The following SRGAP3 variants were observed in gnomAD, a reference collection of about 807,000 sequenced individuals.
SRGAP3 encodes SLIT-ROBO Rho GTPase activating protein 3.
SRGAP3 carries 39 observed loss-of-function variants against 121.1 expected under a neutral mutation model. The ratio of observed to expected loss-of-function variants is 0.32; its 90% CI spans 0.25 to 0.42. The LOEUF (loss-of-function observed/expected upper bound fraction) is 0.42. Among genes scored for constraint, SRGAP3 ranks in the 10% least tolerant of loss-of-function variants. The pLI is 1.00. For missense variants in SRGAP3, 1,213 were observed against 1,470.6 expected (o/e 0.82, Z 2.86); for synonymous variants, 601 against 570.0 (o/e 1.05, Z -0.77).
intron 1 of SRGAP3, among the ~76,000 whole-genome samples, chr3:9,243,328 G>A (rs1347940991): frequency 2.0e-5 from 3 of 152,026 alleles, no homozygotes; most frequent in African/African-American, 4.8e-5. Flanking sequence ...GAAGGGTATG[G>A]AGGATTTAGA....
intron 1 of SRGAP3, among the ~76,000 whole-genome samples, chr3:9,332,743 A>G (rs1294860094): frequency 1.3e-5 from 2 of 152,214 alleles, no homozygotes; most frequent in Non-Finnish European, 2.9e-5. Context: ...CTCATAAAAC[A>G]TATTAACTGT....
intron 1 of SRGAP3, among the ~76,000 whole-genome samples, chr3:9,152,908 C>T (rs959729537): frequency 3.3e-5 from 5 of 152,168 alleles, no homozygotes; most frequent in Non-Finnish European, 7.3e-5. Flanking sequence ...CACAGTGCCC[C>T]GTGGAGTCAG....
intron 1 of SRGAP3, among the ~76,000 whole-genome samples, chr3:9,351,864 A>T (rs756772137): frequency 1.3e-5 from 2 of 152,188 alleles, no homozygotes; most frequent in Non-Finnish European, 2.9e-5. Context: ...AACAGACCCA[A>T]GGGGCCATGG....
intron 3 of SRGAP3, among the ~76,000 whole-genome samples, chr3:9,270,281 G>C (rs1954447473): frequency 6.6e-6 from 1 of 152,064 alleles, no homozygotes; most frequent in Non-Finnish European, 1.5e-5. Flanking sequence ...TAGTATTATG[G>C]AAAGAAAAAA....
At chr3:9,275,157 GA>G (rs1164242853) in intron 3 of SRGAP3, among the ~76,000 whole-genome samples, 1 of 152,048 alleles carries the variant, frequency 6.6e-6, no homozygotes, top group African/African-American at 2.4e-5. Context: ...AGACAAGAAA[GA>G]AAGTTTACAT....
At chr3:9,169,678 C>T (rs1041165198) in intron 1 of SRGAP3, among the ~76,000 whole-genome samples, 2 of 152,220 alleles carry the variant, frequency 1.3e-5, no homozygotes, top group Admixed American at 1.3e-4. Context: ...ATCAATTAGG[C>T]CAACACCTTG....
At chr3:9,024,417 A>G (rs1198495857) in intron 14 of SRGAP3, among the ~76,000 whole-genome samples, 1 of 152,206 alleles carries the variant, frequency 6.6e-6, no homozygotes, top group East Asian at 1.9e-4. Flanking sequence ...CTCGAATGAA[A>G]CTGCATGGAT....
intron 3 of SRGAP3, among the ~76,000 whole-genome samples, chr3:9,092,158 C>T (rs966055454): frequency 6.6e-6 from 1 of 151,962 alleles, no homozygotes; most frequent in Non-Finnish European, 1.5e-5. Flanking sequence ...ACTTTGGGAC[C>T]CTGTTTATGC....
intron 1 of SRGAP3, among the ~76,000 whole-genome samples, chr3:9,340,796 A>G (rs1191909161): frequency 6.6e-6 from 1 of 152,222 alleles, no homozygotes; most frequent in African/African-American, 2.4e-5. Flanking sequence ...TGTATGACGG[A>G]CTGGGAGTTG....
chr3:9,358,782 T>A (rs2030651000), intron 1 of SRGAP3, among the ~76,000 whole-genome samples: 1 of 152,136 alleles, frequency 6.6e-6, no homozygotes, highest in African/African-American at 2.4e-5. Context: ...GTAACACATA[T>A]TTTCTGGTTT....
intron 18 of SRGAP3, among the ~76,000 whole-genome samples, chr3:9,003,491 C>CAAACAAACAAAA (rs1215280703): frequency 5.3e-5 from 8 of 151,662 alleles, no homozygotes; most frequent in Non-Finnish European, 1.2e-4. Context: ...AACAAACAAA[C>CAAACAAACAAAA]AAACAAACAA....
intron 14 of SRGAP3, among the ~76,000 whole-genome samples, chr3:9,016,841 C>T (rs1005194900): frequency 6.6e-6 from 1 of 152,154 alleles, no homozygotes; most frequent in African/African-American, 2.4e-5. Context: ...GAGCTGTCTT[C>T]CTGTCCCCCA....
At chr3:9,237,426 A>C (rs1264491116) in intron 1 of SRGAP3, among the ~76,000 whole-genome samples, 1 of 152,214 alleles carries the variant, frequency 6.6e-6, no homozygotes, top group Non-Finnish European at 1.5e-5. Context: ...ATTGAGTTTC[A>C]GTCCTGGTGA....
chr3:9,093,376 C>T (rs976298246), intron 3 of SRGAP3, among the ~76,000 whole-genome samples: 1 of 152,046 alleles, frequency 6.6e-6, no homozygotes, highest in Non-Finnish European at 1.5e-5. Flanking sequence ...CACCCATTTG[C>T]CCATCCACTC....
At chr3:9,045,725 G>A (rs1945237372) in intron 10 of SRGAP3, among the ~76,000 whole-genome samples, 1 of 152,214 alleles carries the variant, frequency 6.6e-6, no homozygotes, top group African/African-American at 2.4e-5. Flanking sequence ...GCAGGCCACT[G>A]CACCAGGCCC....
intron 9 of SRGAP3, chr3:9,049,435 G>C (rs756474839): frequency 4.4e-6 from 2 of 456,056 alleles, no homozygotes; most frequent in South Asian, 3.1e-5. Flanking sequence ...TCAGAGTCTT[G>C]GATGGCAAAT....
chr3:9,252,664 T>G (rs1465057379), upstream of SRGAP3, among the ~76,000 whole-genome samples: 1 of 152,186 alleles, frequency 6.6e-6, no homozygotes, highest in Admixed American at 6.5e-5. Flanking sequence ...GGGTGTGACC[T>G]GGGCAGGCCC....
chr3:8,992,739 C>A (rs1559858002), intron 20 of SRGAP3, 167 bp downstream of exon 20: 1 of 1,169,270 alleles, frequency 8.6e-7, no homozygotes, highest in East Asian at 2.4e-5. Context: ...CTATACCTGG[C>A]CTTCTTGGGC....
intron 1 of SRGAP3, chr3:9,235,565 A>G (rs1036761887): frequency 7.1e-6 from 1 of 141,314 alleles, no homozygotes; most frequent in Middle Eastern, 4.0e-3. Context: ...GTGCAGTGGC[A>G]TGATCTCGGC....
Sources: allele counts gnomAD v4.1 joint callset (sites outside exome capture counted in the v4.1 genomes callset), GRCh38; gene constraint gnomAD v4.1.1; transcripts MANE v1.5; gene names NCBI Gene and HGNC (gene_info 2026-07-23, HGNC 2026-07-21).